Variants in NAT2 observed in about 807,000 individuals in gnomAD.
NAT2 encodes the protein arylamine N-acetyltransferase 2.
For synonymous variants in NAT2, 137 were observed against 125.9 expected (o/e 1.09, Z -0.59); for missense variants, 428 against 339.1 (o/e 1.26, Z -2.06).
upstream of NAT2, chr8:18,387,852 G>C (rs116253320): frequency 6.6e-6 from 1 of 152,442 alleles, no homozygotes; most frequent in Non-Finnish European, 1.5e-5. Flanking sequence ...TCTAGTGAGC[G>C]TTTGCCCTGG....
At chr8:18,387,175 G>A, upstream of NAT2, 1 of 152,256 alleles carries the variant, frequency 6.6e-6, no homozygotes. Context: ...GGAGCGCGGG[G>A]AGCTGGCCGC....
chr8:18,396,556 C>T (rs1006617531), intron 1 of NAT2, among the ~76,000 whole-genome samples: 18 of 152,044 alleles, frequency 1.2e-4, no homozygotes, highest in Admixed American at 8.5e-4. Context: ...TGACCACACC[C>T]GCCTAATTTT....
Position 18,400,499 on chromosome 8 carries a change from A to T in NAT2, c.496A>T (p.Arg166Ter). The change falls in exon 2 of 2, where the codon AGA becomes TGA. Residue 166 changes from arginine (R) to a stop codon, truncating the protein, a stop_gained. Coordinates refer to ENST00000286479, the MANE Select transcript of NAT2 (RefSeq NM_000015.3). LOFTEE classifies it low-confidence loss of function (END_TRUNC). ...RGIWYLDQIRREQYITNKEFL... is the reference protein window; with the variant it reads ...RGIWYLDQIR Reference sequence around the variant, plus strand: ...AATCTGGTACCTGGACCAAATCAGGAGAGAGCAGTATATTACAAACAAAGA... The same window carrying T: ...AATCTGGTACCTGGACCAAATCAGGTGAGAGCAGTATATTACAAACAAAGA... 6.2e-7 allele frequency: 1 copy of T among 1,613,934 alleles called. No homozygotes were observed. Among genetic ancestry groups the T allele is most frequent in the South Asian group, 1.1e-5 (1 of 91,060 alleles).
At chr8:18,393,974 A>G (rs749799399) in intron 1 of NAT2, among the ~76,000 whole-genome samples, 5 of 152,222 alleles carry the variant, frequency 3.3e-5, no homozygotes, top group Non-Finnish European at 7.3e-5. Context: ...AGACCACCAA[A>G]CAGACTCTGT....
chr8:18,400,046 T>A lies in NAT2; in HGVS notation c.43T>A (p.Ser15Thr), dbSNP rs1258543620. 6.2e-7 allele frequency: 1 copy of A among 1,610,198 alleles called. No individual in the cohort carries two copies. The highest frequency in any genetic ancestry group is 1.1e-5 in the South Asian group (1 of 90,410). Residue 15 changes from serine (S) to threonine (T), a missense_variant, in exon 2 of 2, where the codon TCT becomes ACT. By Grantham distance (58) the Ser-to-Thr change is moderately conservative (BLOSUM62 1). Coordinates refer to ENST00000286479, the MANE Select transcript of NAT2 (RefSeq NM_000015.3). Reference sequence around the variant, plus strand: ...TTTTGAAAGAATTGGCTATAAGAACTCTAGGAACAAATTGGACTTGGAAAC... The same window carrying A: ...TTTTGAAAGAATTGGCTATAAGAACACTAGGAACAAATTGGACTTGGAAAC... ...AYFERIGYKN[S>T]RNKLDLETLT...
At chr8:18,387,716 G>C (rs1800527928), upstream of NAT2, 1 of 155,332 alleles carries the variant, frequency 6.4e-6, no homozygotes, top group Admixed American at 6.5e-5. Flanking sequence ...TCTCCAAAGC[G>C]CTTGGCCTCA....
At chr8:18,392,239 A>C (rs1186764641) in intron 1 of NAT2, among the ~76,000 whole-genome samples, 2 of 152,216 alleles carry the variant, frequency 1.3e-5, no homozygotes, top group African/African-American at 4.8e-5. Context: ...TGTATACATA[A>C]AGGGGAGTTT....
upstream of NAT2, among the ~76,000 whole-genome samples, chr8:18,388,564 G>C (rs1436499599): frequency 6.8e-6 from 1 of 147,560 alleles, no homozygotes; most frequent in Non-Finnish European, 1.5e-5. Context: ...GAGAAGATCA[G>C]GAAAGGAAGA....
chr8:18,393,111 G>A (rs1337020764), intron 1 of NAT2, among the ~76,000 whole-genome samples: 3 of 151,728 alleles, frequency 2.0e-5, no homozygotes, highest in Admixed American at 6.6e-5. Context: ...TTTTAAATAT[G>A]TCAAAGAAAT....
upstream of NAT2, among the ~76,000 whole-genome samples, chr8:18,390,153 G>T (rs1387393701): frequency 6.6e-6 from 1 of 151,962 alleles, no homozygotes; most frequent in African/African-American, 2.4e-5. Flanking sequence ...GCTTTAATTT[G>T]TAGTCCATCT....
At position 18,398,450 on chromosome 8, in the gene NAT2, G is replaced by A. The variant is rs76964359; in HGVS notation, c.-6-1548G>A. On this transcript the variant is annotated intron_variant, in intron 1 of 1. Coordinates refer to ENST00000286479, the MANE Select transcript of NAT2 (RefSeq NM_000015.3). ...AAAGGAGTTCTGATTTCTAGGTTCT[G>A]CCTTGGGGAAAGAGATTCTAGTTTG... Among the ~76,000 whole-genome samples the A allele has an allele frequency of 4.1e-3, 631 of 152,290 alleles. 1 individual carries two copies. The highest frequency in any genetic ancestry group is 0.028 in the East Asian group (143 of 5,178).
At position 18,391,360 on chromosome 8, in the gene NAT2, G is replaced by C. The variant is rs1462163225; in HGVS notation, c.-7+15G>C. 1 of 152,066 alleles carries C rather than the reference G, an allele frequency of 6.6e-6. No individual in the cohort carries two copies. Among genetic ancestry groups the C allele is most frequent in the Non-Finnish European group, 1.5e-5 (1 of 68,008 alleles). 9.4% of individuals were successfully genotyped at this position (152,066 alleles called of 1,614,324 possible). The stretch of plus-strand genomic sequence containing the variant: ...TGCTGGCCAAAGTAAGTAGAACTTT[G>C]TAAGTAATTTGCAGTGTACTTTGAA... On this transcript the variant is annotated intron_variant, in intron 1 of 1. Transcript: ENST00000286479.
rs149283608 is a variant in NAT2 at position 18,400,124 on chromosome 8, A to T, written c.121A>T (p.Asn41Tyr). Residue 41 changes from asparagine to tyrosine, a missense_variant, in exon 2 of 2, where the codon AAC becomes TAC. Asn to Tyr is a moderately radical substitution (Grantham distance 143). Coordinates refer to ENST00000286479, the MANE Select transcript of NAT2 (RefSeq NM_000015.3). Reference protein sequence around the residue: ...QIRAVPFENLNMHCGQAMELG... With the variant: ...QIRAVPFENLYMHCGQAMELG... ...CCGGGCTGTTCCCTTTGAGAACCTT[A>T]ACATGCATTGTGGGCAAGCCATGGA... is the stretch of plus-strand genomic sequence containing the variant. The T allele has an allele frequency of 4.2e-5, 68 of 1,614,098 alleles. No individual in the cohort carries two copies. In the African/African-American group the frequency reaches 7.2e-4, roughly 17 times the overall value.
In NAT2 at chr8:18,400,344, T is replaced by A. The variant is rs1801280; in HGVS notation, c.341T>A (p.Ile114Asn). Residue 114 changes from isoleucine (I) to asparagine (N), a missense_variant, in exon 2 of 2, where the codon ATT (isoleucine) becomes AAT (asparagine). By Grantham distance (149) the Ile-to-Asn change is moderately radical. Coordinates refer to ENST00000286479, the MANE Select transcript of NAT2 (RefSeq NM_000015.3). ...GTTCACCTTCTCCTGCAGGTGACCATTGACGGCAGGAATTACATTGTCGAT... is the reference window on the plus strand; with the variant it reads ...GTTCACCTTCTCCTGCAGGTGACCAATGACGGCAGGAATTACATTGTCGAT... ...GMVHLLLQVT[I>N]DGRNYIVDAG... The A allele has an allele frequency of 1.2e-6, 2 of 1,612,686 alleles. No homozygotes were observed. The highest frequency in any genetic ancestry group is 1.7e-6 in the Non-Finnish European group (2 of 1,179,548).
In NAT2 at chr8:18,400,038, A is replaced by C; in HGVS notation, c.35A>C (p.Tyr12Ser). The change falls in exon 2 of 2, where the codon TAT becomes TCT. Residue 12 changes from tyrosine to serine, a missense_variant. Physicochemically the swap from Tyr to Ser is moderately radical, Grantham distance 144. Transcript: ENST00000286479. ...DIEAYFERIG[Y>S]KNSRNKLDLE... ...GAAGCATATTTTGAAAGAATTGGCT[A>C]TAAGAACTCTAGGAACAAATTGGAC... 1.2e-6 allele frequency: 2 copies of C among 1,605,182 alleles called. No homozygotes were observed. The highest frequency in any genetic ancestry group is 1.7e-6 in the Non-Finnish European group (2 of 1,174,944).
chr8:18,400,526 T>C lies in NAT2; in HGVS notation c.523T>C (p.Phe175Leu). The C allele has an allele frequency of 2.5e-6, 4 of 1,613,076 alleles. No individual in the cohort carries two copies. The highest frequency in any genetic ancestry group is 3.4e-6 in the Non-Finnish European group (4 of 1,179,754). The change falls in exon 2 of 2, where the codon TTT becomes CTT. Residue 175 changes from phenylalanine to leucine, a missense_variant. Physicochemically the swap from Phe to Leu is conservative, Grantham distance 22. Coordinates refer to ENST00000286479, the MANE Select transcript of NAT2 (RefSeq NM_000015.3). The part of the protein sequence containing the change: ...RREQYITNKE[F>L]LNSHLLPKKK... ...AGAGCAGTATATTACAAACAAAGAATTTCTTAATTCTCATCTCCTGCCAAA... is the reference window on the plus strand; with the variant it reads ...AGAGCAGTATATTACAAACAAAGAACTTCTTAATTCTCATCTCCTGCCAAA...
Position 18,400,075 on chromosome 8 carries a change from A to T in NAT2, c.72A>T (p.Leu24Phe). 6.2e-7 allele frequency: 1 copy of T among 1,613,710 alleles called. No homozygotes were observed. Among genetic ancestry groups the T allele is most frequent in the Non-Finnish European group, 8.5e-7 (1 of 1,179,784 alleles). ...GGAACAAATTGGACTTGGAAACATT[A>T]ACTGACATTCTTGAGCACCAGATCC... ...NSRNKLDLET[L>F]TDILEHQIRA... is the part of the protein sequence containing the mutation. The change falls in exon 2 of 2, where the codon TTA (leucine) becomes TTT (phenylalanine). Residue 24 changes from leucine to phenylalanine, a missense_variant. Leu to Phe is a conservative substitution (Grantham distance 22). Transcript: ENST00000286479.
At chr8:18,391,464 G>T (rs1199398477) in intron 1 of NAT2, 119 bp downstream of exon 1, 1 of 151,920 alleles carries the variant, frequency 6.6e-6, no homozygotes, top group Non-Finnish European at 1.5e-5. Context: ...CGACCCCAGA[G>T]AAACCTGGAA....
chr8:18,400,874 T>G lies in NAT2; in HGVS notation c.871T>G (p.Ter291GluextTer16), dbSNP rs146801219. 1.3e-5 allele frequency: 20 copies of G among 1,575,004 alleles called. No individual in the cohort carries two copies. In the African/African-American group the frequency reaches 2.5e-4, roughly 19 times the overall value. ...ACCTGGTGATGGATCCCTTACTATTTAGAATAAGGAACAAAATAAACCCTT... is the reference window on the plus strand; with the variant it reads ...ACCTGGTGATGGATCCCTTACTATTGAGAATAAGGAACAAAATAAACCCTT... ...PKPGDGSLTI[*>E] The change falls in exon 2 of 2, where the codon TAG becomes GAG. Residue 291 changes from the stop codon to glutamate (E), a stop_lost. Coordinates refer to ENST00000286479, the MANE Select transcript of NAT2 (RefSeq NM_000015.3).
Sources: allele counts gnomAD v4.1 joint callset (sites outside exome capture counted in the v4.1 genomes callset), GRCh38; gene constraint gnomAD v4.1.1; transcripts MANE v1.5; gene names NCBI Gene and HGNC (gene_info 2026-07-23, HGNC 2026-07-21).